Variants in MTMR1 observed in about 807,000 individuals in gnomAD.
MTMR1 encodes phosphatidylinositol-3-phosphate phosphatase MTMR1.
Under a neutral mutation model 51.6 loss-of-function variants are expected in MTMR1, and 17 were observed. That is an observed-to-expected ratio of 0.33 (90% CI 0.23 to 0.49). MTMR1 has a LOEUF of 0.49. MTMR1 is among the 20% of genes least tolerant of loss of function. The probability of loss-of-function intolerance (pLI) is 0.99; values close to 1 mark genes in which losing one functional copy is unlikely to be tolerated. For missense variants in MTMR1, 386 were observed against 526.9 expected (o/e 0.73, Z 2.62); for synonymous variants, 201 against 205.6 (o/e 0.98, Z 0.19).
chrX:150,741,027 C>T (rs1335419482), intron 12 of MTMR1, among the ~76,000 whole-genome samples: 2 of 111,999 alleles, frequency 1.8e-5, no homozygotes, highest in Non-Finnish European at 3.8e-5. Context: ...CAAATTTCAA[C>T]ACGAGGTTTA....
chrX:150,730,357 A>G, intron 7 of MTMR1, 147 bp downstream of exon 7: 2 of 523,099 alleles, frequency 3.8e-6, no homozygotes, highest in Non-Finnish European at 5.8e-6. Context: ...GAAATTTGTC[A>G]GTTCTGGGTA....
At chrX:150,730,496 CAT>C in intron 7 of MTMR1, 27 bp from the exon 8 acceptor site, 3 of 1,002,666 alleles carry the variant, frequency 3.0e-6, no homozygotes, top group Non-Finnish European at 2.7e-6. Context: ...GAAATAGTAA[CAT>C]ATGTGTTTTG....
chrX:150,752,886 C>G (rs1183407608), intron 14 of MTMR1, among the ~76,000 whole-genome samples: 1 of 110,517 alleles, frequency 9.0e-6, no homozygotes, highest in Admixed American at 9.7e-5. Context: ...AAGTGATGTT[C>G]CCGCCTCGGC....
intron 4 of MTMR1, among the ~76,000 whole-genome samples, chrX:150,723,963 T>G (rs2041842477): frequency 8.9e-6 from 1 of 112,602 alleles, no homozygotes; most frequent in African/African-American, 3.2e-5. Context: ...TACCATATTT[T>G]ATTTATCCAA....
At chrX:150,729,076 G>C (rs1603254174) in intron 6 of MTMR1, among the ~76,000 whole-genome samples, 1 of 110,074 alleles carries the variant, frequency 9.1e-6, no homozygotes. Context: ...ATTATCCTTA[G>C]ACTAAAAGAA....
rs1473429480 is a variant in MTMR1 at position 150,693,443 on chromosome X, G to A, written c.-88G>A. ...CTGAGGCGGGCGGGCGGTATAGAGCGGGCGGCAGGAGGCAAGCAGCGAAAC... is the reference window on the plus strand; with the variant it reads ...CTGAGGCGGGCGGGCGGTATAGAGCAGGCGGCAGGAGGCAAGCAGCGAAAC... On this transcript the variant is annotated 5_prime_UTR_variant, in exon 1 of 16. Transcript: ENST00000445323. The A allele has an allele frequency of 2.8e-4, 210 of 753,606 alleles. No homozygotes were observed. The African/African-American group carries it at 3.7e-3, about 13-fold the overall frequency. The allele number at this position is 753,606 out of a possible 1,213,427, so 62.1% of individuals were successfully genotyped here.
chrX:150,696,347 G>A (rs2040676381), intron 1 of MTMR1, among the ~76,000 whole-genome samples: 1 of 111,526 alleles, frequency 9.0e-6, no homozygotes, highest in Non-Finnish European at 1.9e-5. Flanking sequence ...CTGGCTCTAT[G>A]GGTGGGACTT....
Position 150,737,400 on chromosome X carries a change from A to C in MTMR1, c.1425A>C (p.Glu475Asp). The C allele has an allele frequency of 8.3e-7, 1 of 1,211,718 alleles. No homozygotes were observed. Among genetic ancestry groups the C allele is most frequent in the Non-Finnish European group, 1.1e-6 (1 of 895,481 alleles). ...ACTACAGGACCATTAAAGGATTTGA[A>C]ACTCTCGTAGAAAAGGAGTGGATAA... is the stretch of plus-strand genomic sequence containing the variant. ...DSYYRTIKGF[E>D]TLVEKEWISF... The change falls in exon 12 of 16, where the codon GAA becomes GAC. Residue 475 changes from glutamate to aspartate, a missense_variant. Physicochemically the swap from Glu to Asp is conservative, Grantham distance 45 (BLOSUM62 2). Transcript: ENST00000445323.
In MTMR1 at chrX:150,727,755, T is replaced by C; in HGVS notation, c.519T>C (p.His173=). ...SRVEKIGAQS[H]GDNSCGIEIV... is the part of the protein sequence containing the mutation. ...TGGAGAAGATTGGAGCACAGAGCCA[T>C]GGAGACAATTCCTGTGGTATAGAGA... The change falls in exon 6 of 16, where the codon CAT becomes CAC. Residue 173 remains histidine (H), a synonymous_variant. Coordinates refer to ENST00000445323, the MANE Select transcript of MTMR1 (RefSeq NM_001306144.3). 5.0e-6 allele frequency: 6 copies of C among 1,210,195 alleles called. No individual in the cohort carries two copies. Among genetic ancestry groups the C allele is most frequent in the Non-Finnish European group, 6.7e-6 (6 of 894,131 alleles).
intron 1 of MTMR1, among the ~76,000 whole-genome samples, chrX:150,693,944 G>A (rs2040578836): frequency 1.8e-5 from 2 of 111,470 alleles, no homozygotes; most frequent in African/African-American, 6.5e-5. Flanking sequence ...CCCGGGAGGG[G>A]CTTCGCAGCT....
chrX:150,762,205 C>T (rs2043158165), intron 15 of MTMR1, among the ~76,000 whole-genome samples: 1 of 113,159 alleles, frequency 8.8e-6, no homozygotes, highest in Non-Finnish European at 1.9e-5. Context: ...TTCTGACGCA[C>T]AGTCTTTAGG....
In MTMR1 at chrX:150,727,558, T is replaced by G. The variant is rs1356673509; in HGVS notation, c.448-126T>G. The G allele has an allele frequency of 5.5e-6, 3 of 545,710 alleles. No individual in the cohort carries two copies. The East Asian group carries it at 1.1e-4, about 19-fold the overall frequency. 45.0% of individuals were successfully genotyped at this position (545,710 alleles called of 1,213,427 possible). A position where few individuals can be genotyped will look rare whatever the true frequency, so the allele number is the denominator to read the frequency against. ...TCACAAGGAATGCTGTCAATCAGAC[T>G]TCAATTTAGCTGGGACAAAGAGGAA... On this transcript the variant is annotated intron_variant, in intron 5 of 15. Transcript: ENST00000445323.
intron 4 of MTMR1, among the ~76,000 whole-genome samples, chrX:150,724,209 G>A (rs190268104): frequency 6.6e-4 from 73 of 111,303 alleles, no homozygotes; most frequent in Non-Finnish European, 1.1e-3. Flanking sequence ...CAGTGTGTAA[G>A]CATTCCCTTT....
rs781941105 is a variant in MTMR1, at chrX:150,718,445, TG to T, written c.277-179del. ...TGCTAGAATATGCAGCATGGTGTCTTGTGATGCTAAGCTTTTAAGTTGTCTT... is the reference window on the plus strand; with the variant it reads ...TGCTAGAATATGCAGCATGGTGTCTTTGATGCTAAGCTTTTAAGTTGTCTT... On this transcript the variant is annotated intron_variant, in intron 3 of 15. Coordinates refer to ENST00000445323, the MANE Select transcript of MTMR1 (RefSeq NM_001306144.3). Among the ~76,000 whole-genome samples the T allele has an allele frequency of 4.7e-3, 526 of 111,632 alleles. 2 individuals carry two copies. The highest frequency in any genetic ancestry group is 0.016 in the African/African-American group (496 of 30,720).
intron 13 of MTMR1, among the ~76,000 whole-genome samples, chrX:150,750,292 C>T (rs2042690307): frequency 8.9e-6 from 1 of 112,225 alleles, no homozygotes. Context: ...TACCCCCGAC[C>T]TGGGATGTGG....
At chrX:150,739,449 C>T (rs929514793) in intron 12 of MTMR1, among the ~76,000 whole-genome samples, 1 of 112,383 alleles carries the variant, frequency 8.9e-6, no homozygotes, top group South Asian at 3.7e-4. Context: ...ATGTTTGGGC[C>T]ACCTCAGAAG....
intron 13 of MTMR1, among the ~76,000 whole-genome samples, chrX:150,748,546 G>A (rs995365089): frequency 5.4e-5 from 6 of 110,282 alleles, no homozygotes; most frequent in African/African-American, 1.7e-4. Context: ...AGCCGGGCAC[G>A]GTAGCTCATG....
At chrX:150,698,726 A>ACACACACACAC (rs1557415823) in intron 1 of MTMR1, among the ~76,000 whole-genome samples, 2 of 106,519 alleles carry the variant, frequency 1.9e-5, no homozygotes, top group African/African-American at 6.9e-5. Context: ...ACACACACAC[A>ACACACACACAC]AAAGCCGGGC....
intron 2 of MTMR1, among the ~76,000 whole-genome samples, chrX:150,704,386 T>C (rs2041021867): frequency 8.9e-6 from 1 of 111,765 alleles, no homozygotes; most frequent in Non-Finnish European, 1.9e-5. Context: ...ACAAAGCCAG[T>C]TGGGAGAGCC....
Sources: allele counts gnomAD v4.1 joint callset (sites outside exome capture counted in the v4.1 genomes callset), GRCh38; gene constraint gnomAD v4.1.1; transcripts MANE v1.5; gene names NCBI Gene and HGNC (gene_info 2026-07-23, HGNC 2026-07-21).